The following FMN1 variants were observed in gnomAD, a reference collection of about 807,000 sequenced individuals.
FMN1 encodes the protein formin-1.
Under a neutral mutation model 132.4 loss-of-function variants are expected in FMN1, and 110 were observed. The ratio of observed to expected loss-of-function variants is 0.83; its 90% CI spans 0.71 to 0.97. The LOEUF is 0.97. Ranked by LOEUF, FMN1 falls within the 50% of genes least tolerant of loss-of-function variation. The pLI, the probability that FMN1 is intolerant of heterozygous loss-of-function variation, is 0.00. For synonymous variants in FMN1, 722 were observed against 651.7 expected (o/e 1.11, Z -1.64); for missense variants, 1,792 against 1,705.3 (o/e 1.05, Z -0.90).
chr15:33,074,157 CCACAT>C (rs2038107373), intron 5 of FMN1, among the ~76,000 whole-genome samples: 1 of 152,206 alleles, frequency 6.6e-6, no homozygotes, highest in African/African-American at 2.4e-5. Flanking sequence ...TCCTGTTCAC[CCACAT>C]CACATCACCC....
chr15:33,067,335 G>A (rs1475922539), intron 5 of FMN1: 2 of 1,613,910 alleles, frequency 1.2e-6, no homozygotes, highest in South Asian at 2.2e-5. Flanking sequence ...AAACCTCCTG[G>A]GTTTTCTTTG....
At chr15:32,988,485 A>G (rs758411427) in intron 7 of FMN1, among the ~76,000 whole-genome samples, 6 of 152,176 alleles carry the variant, frequency 3.9e-5, no homozygotes, top group Non-Finnish European at 8.8e-5. Context: ...TATTCTCAGT[A>G]CAACTCACCA....
intron 6 of FMN1, among the ~76,000 whole-genome samples, chr15:33,037,919 T>A (rs2036259574): frequency 6.6e-6 from 1 of 152,240 alleles, no homozygotes; most frequent in Non-Finnish European, 1.5e-5. Context: ...TTATGAATAC[T>A]GATACCTTAA....
intron 6 of FMN1, among the ~76,000 whole-genome samples, chr15:33,039,531 G>C (rs900825205): frequency 3.9e-5 from 6 of 152,138 alleles, no homozygotes; most frequent in Non-Finnish European, 1.5e-5. Context: ...ACCTAGAGCT[G>C]AATGTATATT....
At chr15:33,094,512 A>C (rs2039009841) in intron 4 of FMN1, among the ~76,000 whole-genome samples, 1 of 152,192 alleles carries the variant, frequency 6.6e-6, no homozygotes, top group Admixed American at 6.5e-5. Context: ...TTCATGTTCC[A>C]AAAATAGAAT....
At chr15:32,815,028 C>T (rs1419244463) in intron 17 of FMN1, among the ~76,000 whole-genome samples, 3 of 152,058 alleles carry the variant, frequency 2.0e-5, no homozygotes, top group Non-Finnish European at 2.9e-5. Flanking sequence ...CTGCAAGCTC[C>T]GCCTCCCGGG....
Position 32,804,324 on chromosome 15 carries a change from CT to C in FMN1, c.3936del (p.Glu1313SerfsTer25), listed in dbSNP as rs752560237. ...AAGTGACTTTCTTCCATCTTATGCT[CT>C]TTTTTGGCTGTAAAAGATAAATCAT... ...KLEEFFQKAK[K>X]EHKMEESHLE... On this transcript the variant is annotated frameshift_variant, in exon 18 of 21. Transcript: ENST00000616417. LOFTEE classifies it high-confidence loss of function. 4.5e-6 allele frequency: 7 copies of C among 1,560,478 alleles called. No individual in the cohort carries two copies. The highest frequency in any genetic ancestry group is 2.4e-5 in the East Asian group (1 of 42,400).
chr15:33,010,704 T>A (rs1249557786), intron 6 of FMN1, among the ~76,000 whole-genome samples: 4 of 152,084 alleles, frequency 2.6e-5, no homozygotes, highest in Non-Finnish European at 1.5e-5. Flanking sequence ...TGATAAAATA[T>A]TAGAATATGC....
intron 6 of FMN1, among the ~76,000 whole-genome samples, chr15:33,055,730 A>T (rs1471938610): frequency 1.3e-5 from 2 of 152,204 alleles, no homozygotes; most frequent in African/African-American, 4.8e-5. Context: ...GGCTTAGAAA[A>T]ATAAGAAGGC....
chr15:32,942,789 G>T (rs940787940), intron 9 of FMN1, among the ~76,000 whole-genome samples: 3 of 152,172 alleles, frequency 2.0e-5, no homozygotes, highest in African/African-American at 7.2e-5. Flanking sequence ...TAAGCAGAGA[G>T]TTTTTTCAAA....
chr15:33,188,671 T>C (rs1349020690), intron 2 of FMN1, among the ~76,000 whole-genome samples: 1 of 152,106 alleles, frequency 6.6e-6, no homozygotes, highest in East Asian at 1.9e-4. Flanking sequence ...CAGCTATTGA[T>C]ACATTTTAAC....
intron 10 of FMN1, among the ~76,000 whole-genome samples, chr15:32,921,035 GT>G (rs1445533337): frequency 1.3e-5 from 2 of 152,174 alleles, no homozygotes; most frequent in East Asian, 3.8e-4. Context: ...TCAGTGAGCA[GT>G]CTCCTTCTCA....
rs117808074 is a variant in FMN1, at chr15:33,059,608, A to C, written c.2161+5349T>G. ...AAAAATTTTAATCCATCACTCTTCA[A>C]TTTTAGACTATCTTTATCTCCAAAT... On this transcript the variant is annotated intron_variant, in intron 6 of 20. Coordinates refer to ENST00000616417, the MANE Select transcript of FMN1 (RefSeq NM_001277313.2). Among the ~76,000 whole-genome samples, 1,425 of 152,322 alleles carry C rather than the reference A, an allele frequency of 9.4e-3. 5 individuals are homozygous for C. The highest frequency in any genetic ancestry group is 0.015 in the Non-Finnish European group (1,004 of 68,018).
In FMN1 at chr15:33,004,584, T is replaced by C. The variant is rs574735749; in HGVS notation, c.2223+3430A>G. On this transcript the variant is annotated intron_variant, in intron 7 of 20. Transcript: ENST00000616417. The stretch of plus-strand genomic sequence containing the variant: ...AAGAAATAGGAACACTTTTACACTG[T>C]TGGTGGGACTGTAAACCAGTTCAAC... 1.1e-4 allele frequency among the ~76,000 whole-genome samples: 17 copies of C among 152,286 alleles called. No homozygotes were observed. In the East Asian group the frequency reaches 3.3e-3, roughly 29 times the overall value.
intron 5 of FMN1, among the ~76,000 whole-genome samples, chr15:33,088,253 A>G (rs747778199): frequency 6.6e-6 from 1 of 152,238 alleles, no homozygotes; most frequent in Non-Finnish European, 1.5e-5. Context: ...GAGGTTATTA[A>G]AAGTGAACAA....
At chr15:32,957,568 G>A (rs1421323533) in intron 9 of FMN1, among the ~76,000 whole-genome samples, 1 of 151,814 alleles carries the variant, frequency 6.6e-6, no homozygotes, top group Non-Finnish European at 1.5e-5. Flanking sequence ...CAACAAACAA[G>A]AATAATCTAG....
At chr15:33,084,948 G>A (rs971545138) in intron 5 of FMN1, among the ~76,000 whole-genome samples, 15 of 152,214 alleles carry the variant, frequency 9.9e-5, no homozygotes, top group African/African-American at 3.6e-4. Context: ...TTAACATCCT[G>A]ATTGTGACGC....
At chr15:32,874,013 AGTT>A (rs1329968120) in intron 16 of FMN1, among the ~76,000 whole-genome samples, 3 of 117,036 alleles carry the variant, frequency 2.6e-5, no homozygotes, top group Non-Finnish European at 5.4e-5. Flanking sequence ...ATTTTATTTT[AGTT>A]GTTTTTTTTT....
At chr15:32,861,030 T>A (rs1030048649) in intron 16 of FMN1, among the ~76,000 whole-genome samples, 2 of 152,228 alleles carry the variant, frequency 1.3e-5, no homozygotes, top group African/African-American at 4.8e-5. Context: ...TTTCCAGCTA[T>A]GATTCTGAGA....
Sources: allele counts gnomAD v4.1 joint callset (sites outside exome capture counted in the v4.1 genomes callset), GRCh38; gene constraint gnomAD v4.1.1; transcripts MANE v1.5; gene names NCBI Gene and HGNC (gene_info 2026-07-23, HGNC 2026-07-21).